Variants in SYT14 observed in about 807,000 individuals in gnomAD.
SYT14 encodes synaptotagmin-14.
Under a neutral mutation model 74.2 loss-of-function variants are expected in SYT14, and 32 were observed. That is an observed-to-expected ratio of 0.43 (90% CI 0.33 to 0.58). SYT14 has a LOEUF of 0.58. Ranked by LOEUF, SYT14 falls within the 20% of genes least tolerant of loss-of-function variation. The pLI, the probability that SYT14 is intolerant of heterozygous loss-of-function variation, is 0.05. For missense variants in SYT14, 791 were observed against 981.8 expected, an observed-to-expected ratio of 0.81 and a Z score of 2.60; for synonymous variants, 298 against 337.7, an observed-to-expected ratio of 0.88 and a Z score of 1.29.
At position 210,106,649 on chromosome 1, in the gene SYT14, C is replaced by T. The variant is rs553956790; in HGVS notation, c.2034+6188C>T. ...GAGAACGAACTCACTCTTATGAGAACAGCATAAGGGTAACTGCCCCCATGA... is the reference window on the plus strand; with the variant it reads ...GAGAACGAACTCACTCTTATGAGAATAGCATAAGGGTAACTGCCCCCATGA... On this transcript the variant is annotated intron_variant, in intron 7 of 9. Coordinates refer to ENST00000637265, the Ensembl canonical transcript of SYT14. Among the ~76,000 whole-genome samples, 5 of 152,216 alleles carry T rather than the reference C, an allele frequency of 3.3e-5. No individual in the cohort carries two copies. The Middle Eastern group carries it at 0.017, about 518-fold the overall frequency.
rs181400608 is a variant in SYT14 at position 209,970,768 on chromosome 1, G to A, written c.-486+18012G>A. Among the ~76,000 whole-genome samples the A allele has an allele frequency of 4.6e-3, 610 of 132,058 alleles. 2 individuals are homozygous for A. Among genetic ancestry groups the A allele is most frequent in the African/African-American group, 0.016 (557 of 34,914 alleles). The allele number at this position is 132,058 out of a possible 152,430, so 86.6% of individuals were successfully genotyped here. A position where few individuals can be genotyped will look rare whatever the true frequency, so the allele number is the denominator to read the frequency against. On this transcript the variant is annotated intron_variant, in intron 2 of 9. Transcript: ENST00000637265. ...ACAGTCTCGGCTCACTGCAACCTCCGCCTCCCAGGTTCAAGCCATTCTCCT... is the reference window on the plus strand; with the variant it reads ...ACAGTCTCGGCTCACTGCAACCTCCACCTCCCAGGTTCAAGCCATTCTCCT...
intron 7 of SYT14, among the ~76,000 whole-genome samples, chr1:210,136,507 G>A (rs549464374): frequency 8.5e-5 from 13 of 152,288 alleles, no homozygotes; most frequent in African/African-American, 3.1e-4. Flanking sequence ...GCTTTTCCTA[G>A]TACAATCAAG....
At chr1:210,082,691 T>C (rs1214885513) in intron 5 of SYT14, among the ~76,000 whole-genome samples, 1 of 152,234 alleles carries the variant, frequency 6.6e-6, no homozygotes, top group Non-Finnish European at 1.5e-5. Flanking sequence ...TCACATGTCA[T>C]CTGTTTCATA....
intron 7 of SYT14, among the ~76,000 whole-genome samples, chr1:210,154,552 T>TCTA (rs2083231270): frequency 6.6e-6 from 1 of 152,224 alleles, no homozygotes; most frequent in South Asian, 2.1e-4. Flanking sequence ...GTCTCTAGAA[T>TCTA]ATGTAGTGAT....
At chr1:210,107,557 A>T (rs1356656950) in intron 7 of SYT14, among the ~76,000 whole-genome samples, 1 of 152,158 alleles carries the variant, frequency 6.6e-6, no homozygotes, top group African/African-American at 2.4e-5. Flanking sequence ...GGCAGATGGG[A>T]AGAAATGTAA....
intron 5 of SYT14, among the ~76,000 whole-genome samples, chr1:210,048,425 G>A (rs1166608147): frequency 2.6e-5 from 4 of 152,146 alleles, no homozygotes; most frequent in East Asian, 3.9e-4. Context: ...GAAGGTGAAA[G>A]GCACATCTTA....
chr1:210,103,330 C>T (rs992296569), intron 7 of SYT14, among the ~76,000 whole-genome samples: 2 of 151,954 alleles, frequency 1.3e-5, no homozygotes, highest in African/African-American at 4.8e-5. Flanking sequence ...GTGGGCAGAT[C>T]ATGAGGTCAG....
chr1:210,076,616 C>T (rs898451393), intron 5 of SYT14, among the ~76,000 whole-genome samples: 8 of 152,212 alleles, frequency 5.3e-5, no homozygotes, highest in Non-Finnish European at 2.9e-5. Flanking sequence ...TTAATTGGCT[C>T]ATGGTTCTGT....
intron 2 of SYT14, among the ~76,000 whole-genome samples, chr1:210,006,940 A>C (rs145627669): frequency 5.5e-4 from 83 of 151,880 alleles, no homozygotes; most frequent in African/African-American, 2.0e-3. Context: ...TTAGCTAGAA[A>C]ATGTTCTTTT....
intron 7 of SYT14, among the ~76,000 whole-genome samples, chr1:210,138,256 C>T (rs1175566500): frequency 2.6e-5 from 4 of 152,170 alleles, no homozygotes; most frequent in Non-Finnish European, 5.9e-5. Flanking sequence ...GCAAGAGAGC[C>T]TGTGCAGGGG....
intron 2 of SYT14, among the ~76,000 whole-genome samples, chr1:209,963,185 G>C (rs2079103732): frequency 6.6e-6 from 1 of 152,162 alleles, no homozygotes; most frequent in African/African-American, 2.4e-5. Flanking sequence ...AGACATTATA[G>C]TTCAGATGCC....
At chr1:210,149,153 T>C (rs1021464195) in intron 7 of SYT14, among the ~76,000 whole-genome samples, 6 of 151,074 alleles carry the variant, frequency 4.0e-5, no homozygotes, top group Admixed American at 1.3e-4. Context: ...TATACATACA[T>C]ATACATAAAT....
At chr1:210,158,192 G>C (rs1179104455) in intron 8 of SYT14, among the ~76,000 whole-genome samples, 1 of 152,188 alleles carries the variant, frequency 6.6e-6, no homozygotes, top group Non-Finnish European at 1.5e-5. Flanking sequence ...AACAGATTTG[G>C]TAGTGTGACT....
intron 7 of SYT14, among the ~76,000 whole-genome samples, chr1:210,107,218 A>T (rs1228963906): frequency 1.3e-5 from 2 of 152,242 alleles, no homozygotes; most frequent in South Asian, 2.1e-4. Context: ...TTTACAGTTG[A>T]ATCAGTTCCT....
chr1:210,064,342 A>G (rs1353786283), intron 5 of SYT14, among the ~76,000 whole-genome samples: 1 of 152,002 alleles, frequency 6.6e-6, no homozygotes, highest in Non-Finnish European at 1.5e-5. Flanking sequence ...CACATTCACA[A>G]TGTTATGCAA....
intron 8 of SYT14, among the ~76,000 whole-genome samples, chr1:210,157,656 C>T (rs577483188): frequency 2.8e-4 from 43 of 151,980 alleles, no homozygotes; most frequent in Non-Finnish European, 5.1e-4. Flanking sequence ...GCAAGAGAAT[C>T]ACTTGAACCC....
intron 5 of SYT14, among the ~76,000 whole-genome samples, chr1:210,047,407 T>A (rs2080906081): frequency 6.6e-6 from 1 of 152,184 alleles, no homozygotes. Flanking sequence ...TTGATTTTAT[T>A]TTATTTTTGA....
At chr1:210,130,527 G>T (rs1195255643) in intron 7 of SYT14, among the ~76,000 whole-genome samples, 1 of 152,122 alleles carries the variant, frequency 6.6e-6, no homozygotes, top group African/African-American at 2.4e-5. Flanking sequence ...GGGCTTCACT[G>T]GTCATTTAGG....
At chr1:210,115,550 A>G (rs770477674) in intron 7 of SYT14, among the ~76,000 whole-genome samples, 6 of 151,320 alleles carry the variant, frequency 4.0e-5, no homozygotes, top group Non-Finnish European at 7.3e-5. Flanking sequence ...GTTCATGGAT[A>G]AAATGTGTCT....
Sources: allele counts gnomAD v4.1 joint callset (sites outside exome capture counted in the v4.1 genomes callset), GRCh38; gene constraint gnomAD v4.1.1; transcripts MANE v1.5; gene names NCBI Gene and HGNC (gene_info 2026-07-23, HGNC 2026-07-21).